ZNF320: variants seen among roughly 807,000 people sequenced by gnomAD.
ZNF320 encodes the protein zinc finger gene 320.
In ZNF320, 2 loss-of-function variants were observed where a neutral mutation model predicts 6.8. The observed-to-expected ratio is 0.29, with a 90% CI of 0.12 to 0.93. ZNF320 has a LOEUF of 0.93. Ranked by LOEUF, ZNF320 falls within the 40% of genes least tolerant of loss-of-function variation. ZNF320 has a pLI of 0.55. For missense variants in ZNF320, 472 were observed against 611.0 expected (o/e 0.77, Z 2.40); for synonymous variants, 208 against 203.2 (o/e 1.02, Z -0.20).
intron 5 of ZNF320, among the ~76,000 whole-genome samples, chr19:52,870,772 T>A (rs1230429987): frequency 1.3e-5 from 2 of 151,986 alleles, no homozygotes; most frequent in African/African-American, 4.8e-5. Flanking sequence ...CTAAAAAAAA[T>A]AAAATACAAT....
At chr19:52,861,132 A>G in exon 6 of ZNF320, among the ~76,000 whole-genome samples, 1 of 152,236 alleles carries the variant, frequency 6.6e-6, no homozygotes, top group Non-Finnish European at 1.5e-5. Context: ...GAGTCAACCA[A>G]AATACTACTG....
intron 3 of ZNF320, among the ~76,000 whole-genome samples, chr19:52,890,747 C>G (rs1278416357): frequency 6.6e-6 from 1 of 152,114 alleles, no homozygotes; most frequent in Admixed American, 6.6e-5. Context: ...TGGTGCACTT[C>G]TGTGTGTCTG....
intron 1 of ZNF320, chr19:52,894,699 C>T (rs111915027): frequency 0.14 from 20,556 of 151,858 alleles, 1,624 homozygotes; most frequent in East Asian, 0.28. Context: ...TGGTAAAACC[C>T]GGTTTCTACT....
intron 5 of ZNF320, among the ~76,000 whole-genome samples, chr19:52,886,466 T>G (rs2064081531): frequency 6.6e-6 from 1 of 152,308 alleles, no homozygotes; most frequent in South Asian, 2.1e-4. Flanking sequence ...ATTATTGTGC[T>G]ATAAGTTTAA....
At position 52,867,998 on chromosome 19, in the gene ZNF320, G is replaced by A. The variant is rs1026931773; in HGVS notation, c.224-3839C>T. Reference sequence around the variant, plus strand: ...CACCTCAAGCAATCTACCCCCATCAGCCTCCCAAAGTGCTGGGATTAGAGG... The same window carrying A: ...CACCTCAAGCAATCTACCCCCATCAACCTCCCAAAGTGCTGGGATTAGAGG... On this transcript the variant is annotated intron_variant, in intron 5 of 5. Coordinates refer to the ZNF320 transcript ENST00000673631. Among the ~76,000 whole-genome samples the A allele has an allele frequency of 2.5e-4, 38 of 152,236 alleles. No individual in the cohort carries two copies. The South Asian group carries it at 2.9e-3, about 12-fold the overall frequency.
intron 5 of ZNF320, 94 bp downstream of exon 5, chr19:52,888,033 T>C (rs1166319797): frequency 1.3e-6 from 2 of 1,571,426 alleles, no homozygotes; most frequent in Non-Finnish European, 1.7e-6. Flanking sequence ...GCTTCCATTT[T>C]AGTCAAGCAA....
At chr19:52,860,165 G>C (rs2063479198), downstream of ZNF320, among the ~76,000 whole-genome samples, 1 of 152,108 alleles carries the variant, frequency 6.6e-6, no homozygotes, top group Non-Finnish European at 1.5e-5. Context: ...TCCCGCCTCG[G>C]CCTCCCAAAG....
chr19:52,864,997 A>G (rs147702799), intron 5 of ZNF320, among the ~76,000 whole-genome samples: 124 of 151,922 alleles, frequency 8.2e-4, no homozygotes, highest in African/African-American at 2.8e-3. Flanking sequence ...TGGGTGATAG[A>G]GCGAGACTCC....
chr19:52,866,864 A>G (rs1280645501), intron 5 of ZNF320, among the ~76,000 whole-genome samples: 1 of 110,488 alleles, frequency 9.1e-6, no homozygotes, highest in African/African-American at 3.9e-5. Context: ...GTCTCACAAA[A>G]CATACAAAAA....
exon 6 of ZNF320, chr19:52,863,955 C>A: frequency 2.4e-6 from 1 of 423,420 alleles, no homozygotes; most frequent in Non-Finnish European, 4.5e-6. Context: ...GGCAAAATCA[C>A]AAAAGAGAAT....
At chr19:52,897,298 G>T (rs1264486489) in intron 1 of ZNF320, among the ~76,000 whole-genome samples, 1 of 152,208 alleles carries the variant, frequency 6.6e-6, no homozygotes, top group Admixed American at 6.5e-5. Context: ...GAGGCGCGGC[G>T]CTCCTGAAGC....
downstream of ZNF320, among the ~76,000 whole-genome samples, chr19:52,860,628 T>C (rs2063482347): frequency 6.8e-6 from 1 of 146,360 alleles, no homozygotes; most frequent in Admixed American, 6.7e-5. Context: ...AAAAAAAAGC[T>C]ATTCTTGGTA....
chr19:52,883,011 A>C (rs2063969975), intron 5 of ZNF320, among the ~76,000 whole-genome samples: 1 of 152,112 alleles, frequency 6.6e-6, no homozygotes, highest in Non-Finnish European at 1.5e-5. Flanking sequence ...ATCCATGTGG[A>C]ACAGGCATGT....
At chr19:52,868,231 G>GAA (rs1316855887) in intron 5 of ZNF320, among the ~76,000 whole-genome samples, 29 of 152,252 alleles carry the variant, frequency 1.9e-4, no homozygotes, top group African/African-American at 5.3e-4. Flanking sequence ...AGGCATCCAG[G>GAA]CGCAGTGGCT....
intron 5 of ZNF320, chr19:52,883,657 T>C: frequency 2.2e-6 from 1 of 454,362 alleles, no homozygotes; most frequent in South Asian, 1.6e-5. Context: ...CCCAGCATTT[T>C]GGTAGGCTGA....
chr19:52,899,989 C>G (rs933530864), upstream of ZNF320, among the ~76,000 whole-genome samples: 30 of 152,218 alleles, frequency 2.0e-4, no homozygotes, highest in African/African-American at 7.2e-4. Context: ...TATGGCTATG[C>G]TTCGTTTTTC....
chr19:52,885,958 C>T (rs1421489189), intron 5 of ZNF320, among the ~76,000 whole-genome samples: 6 of 151,840 alleles, frequency 4.0e-5, no homozygotes. Flanking sequence ...AACTCGCATA[C>T]GTATACCTTT....
chr19:52,868,876 G>A (rs1398294122), intron 5 of ZNF320, among the ~76,000 whole-genome samples: 7 of 152,088 alleles, frequency 4.6e-5, no homozygotes, highest in Non-Finnish European at 4.4e-5. Context: ...GATTTAGGCA[G>A]CCTCCAATAA....
rs1441109822 is a variant in ZNF320, at chr19:52,865,606, AGATTATACATATATATTTATATAT to A, written c.224-1471_224-1448del. Among the ~76,000 whole-genome samples, 68 of 119,780 alleles carry A rather than the reference AGATTATACATATATATTTATATAT, an allele frequency of 5.7e-4. 2 individuals carry two copies. Among genetic ancestry groups the A allele is most frequent in the African/African-American group, 1.8e-3 (48 of 27,410 alleles). 78.6% of individuals were successfully genotyped at this position (119,780 alleles called of 152,430 possible). ...ATGATTATACATATATTTATATATG[AGATTATACATATATATTTATATAT>A]GATTATACATATATATTTATATATG... is the stretch of plus-strand genomic sequence containing the variant. On this transcript the variant is annotated intron_variant, in intron 5 of 5. Coordinates refer to the ZNF320 transcript ENST00000673631.
Sources: gnomAD v4.1 joint callset for allele counts (sites outside exome capture counted in the v4.1 genomes callset) on GRCh38, gnomAD v4.1.1 for gene constraint, MANE v1.5 for transcripts, NCBI Gene and HGNC (gene_info 2026-07-23, HGNC 2026-07-21) for gene names.